EFCAB11: variants seen among roughly 807,000 people sequenced by gnomAD.
EFCAB11 encodes the protein EF-hand calcium binding domain 11.
EFCAB11 carries 14 observed loss-of-function variants against 23.0 expected under a neutral mutation model. That is an observed-to-expected ratio of 0.61 (90% confidence interval 0.40 to 0.95). The LOEUF (loss-of-function observed/expected upper bound fraction) is 0.95, where lower values mean the gene tolerates loss of function less well. Ranked by LOEUF, EFCAB11 falls within the 40% of genes least tolerant of loss-of-function variation. The pLI, the probability that EFCAB11 is intolerant of heterozygous loss-of-function variation, is 0.00. For synonymous variants in EFCAB11, 65 were observed against 66.6 expected, an observed-to-expected ratio of 0.98 and a Z score of 0.11; for missense variants, 198 against 195.8, an observed-to-expected ratio of 1.01 and a Z score of -0.07.
chr14:89,937,143 A>G (rs9919910), intron 3 of EFCAB11, among the ~76,000 whole-genome samples: 13,416 of 152,242 alleles, frequency 0.088, 1,499 homozygotes, highest in African/African-American at 0.26. Context: ...ATCTGTGTTT[A>G]TTATTAATAT....
intron 5 of EFCAB11, among the ~76,000 whole-genome samples, chr14:89,841,370 A>AG (rs950857250): frequency 2.8e-5 from 4 of 144,210 alleles, no homozygotes; most frequent in Non-Finnish European, 6.1e-5. Flanking sequence ...AGTAATCTCA[A>AG]CCTCCCTCTC....
intron 5 of EFCAB11, among the ~76,000 whole-genome samples, chr14:89,878,604 T>C (rs575304589): frequency 1.4e-4 from 22 of 152,262 alleles, no homozygotes; most frequent in African/African-American, 5.1e-4. Flanking sequence ...TTCAATTATA[T>C]GAATGTCTAA....
intron 5 of EFCAB11, among the ~76,000 whole-genome samples, chr14:89,925,648 C>CTTTTTTTTT (rs397758240): frequency 1.5e-4 from 20 of 134,680 alleles, no homozygotes; most frequent in African/African-American, 3.1e-4. Flanking sequence ...ATGTTTCTTT[C>CTTTTTTTTT]TTTTTTTTTT....
intron 5 of EFCAB11, chr14:89,892,348 G>A (rs1888998371): frequency 6.2e-7 from 1 of 1,613,684 alleles, no homozygotes; most frequent in South Asian, 1.1e-5. Context: ...GGGACATCAA[G>A]CTAGAAGAGG....
rs375782284 is a variant in EFCAB11 at position 89,794,968 on chromosome 14, CTTTTTTTTTTTTTTTT to C, written c.*2259_*2274del. On this transcript the variant is annotated 3_prime_UTR_variant, in exon 6 of 6. Transcript: ENST00000316738. ...TGCTTGATTTGTTTCTACTTAATGT[CTTTTTTTTTTTTTTTT>C]TTTTTTTTTTTGAGAGGGAGTCTCG... The C allele has an allele frequency of 1.5e-5, 1 of 67,246 alleles. No individual in the cohort carries two copies. Among genetic ancestry groups the C allele is most frequent in the Admixed American group, 2.1e-4 (1 of 4,704 alleles). The allele number at this position is 67,246 out of a possible 1,614,324, so 4.2% of individuals were successfully genotyped here.
intron 2 of EFCAB11, among the ~76,000 whole-genome samples, chr14:89,951,056 A>G (rs925695563): frequency 4.6e-5 from 7 of 151,388 alleles, no homozygotes; most frequent in Non-Finnish European, 7.4e-5. Flanking sequence ...TATCCCCTCC[A>G]CCCAATTTCA....
chr14:89,865,941 T>G (rs1465459424), intron 5 of EFCAB11, among the ~76,000 whole-genome samples: 1 of 151,976 alleles, frequency 6.6e-6, no homozygotes, highest in African/African-American at 2.4e-5. Context: ...GTGTTGGGAT[T>G]ACAGGTGTGA....
chr14:89,914,330 G>C (rs956705196), intron 5 of EFCAB11, among the ~76,000 whole-genome samples: 1 of 152,188 alleles, frequency 6.6e-6, no homozygotes, highest in Non-Finnish European at 1.5e-5. Flanking sequence ...AAAGAACTGA[G>C]TCTGTGCTTA....
chr14:89,919,565 C>T (rs1889959366), intron 5 of EFCAB11, among the ~76,000 whole-genome samples: 1 of 152,080 alleles, frequency 6.6e-6, no homozygotes. Flanking sequence ...TGTCTAGCCA[C>T]CGGTAACCAG....
chr14:89,907,939 T>A (rs1889548813), intron 5 of EFCAB11, among the ~76,000 whole-genome samples: 1 of 152,168 alleles, frequency 6.6e-6, no homozygotes, highest in Non-Finnish European at 1.5e-5. Context: ...TCAAATGAGT[T>A]AAGGCAAGTA....
At chr14:89,869,487 TA>T (rs1315151264) in intron 5 of EFCAB11, among the ~76,000 whole-genome samples, 1 of 151,928 alleles carries the variant, frequency 6.6e-6, no homozygotes, top group Non-Finnish European at 1.5e-5. Context: ...TCTATGAGGT[TA>T]AAAAAAATTC....
intron 5 of EFCAB11, chr14:89,924,415 A>C: frequency 7.6e-7 from 1 of 1,322,726 alleles, no homozygotes; most frequent in African/African-American, 1.5e-5. Flanking sequence ...GACCTTATGC[A>C]CATTCACATT....
chr14:89,888,594 C>T (rs562337724), intron 5 of EFCAB11, among the ~76,000 whole-genome samples: 25 of 152,316 alleles, frequency 1.6e-4, no homozygotes, highest in African/African-American at 5.8e-4. Context: ...AGGGATCTGT[C>T]CCCATGATCC....
intron 5 of EFCAB11, among the ~76,000 whole-genome samples, chr14:89,815,005 T>C (rs1314281361): frequency 2.0e-5 from 3 of 152,214 alleles, no homozygotes; most frequent in African/African-American, 7.2e-5. Flanking sequence ...CCATTTCAAC[T>C]GCTTGATCAT....
rs1957753 is a variant in EFCAB11 at position 89,952,197 on chromosome 14, G to A, written c.171+1709C>T. 6.6e-3 allele frequency among the ~76,000 whole-genome samples: 1,005 copies of A among 152,092 alleles called. 37 individuals are homozygous for A. The highest frequency in any genetic ancestry group is 0.057 in the Admixed American group (874 of 15,286). On this transcript the variant is annotated intron_variant, in intron 2 of 5. Transcript: ENST00000316738. ...TAGTAAATACCGTTTAGTGACCTGC[G>A]GTTACTAAATAGTTCATTTGCTTAA...
chr14:89,923,788 T>G, intron 5 of EFCAB11: 1 of 985,416 alleles, frequency 1.0e-6, no homozygotes. Context: ...GACTGGAAAT[T>G]TTCTCTTGTT....
At chr14:89,851,705 T>G (rs1234843704) in intron 5 of EFCAB11, among the ~76,000 whole-genome samples, 1 of 152,206 alleles carries the variant, frequency 6.6e-6, no homozygotes, top group Non-Finnish European at 1.5e-5. Flanking sequence ...GTTTTAAGAA[T>G]TGGAAGACTA....
At chr14:89,803,392 G>A (rs1024070023) in intron 5 of EFCAB11, among the ~76,000 whole-genome samples, 4 of 152,208 alleles carry the variant, frequency 2.6e-5, no homozygotes, top group African/African-American at 7.2e-5. Flanking sequence ...GTAATAGGGC[G>A]TGTGCCAGAC....
intron 5 of EFCAB11, among the ~76,000 whole-genome samples, chr14:89,911,253 C>T (rs962450785): frequency 2.0e-5 from 3 of 152,168 alleles, no homozygotes; most frequent in East Asian, 1.9e-4. Context: ...TAGGCATTGC[C>T]GTGTGCCCTG....
Sources: allele counts gnomAD v4.1 joint callset (sites outside exome capture counted in the v4.1 genomes callset), GRCh38; gene constraint gnomAD v4.1.1; transcripts MANE v1.5; gene names NCBI Gene and HGNC (gene_info 2026-07-23, HGNC 2026-07-21).